Variants in MAN1A2 observed in about 807,000 individuals in gnomAD.
The protein encoded by MAN1A2 is mannosyl-oligosaccharide 1,2-alpha-mannosidase IB.
MAN1A2 carries 26 observed loss-of-function variants against 75.7 expected under a neutral mutation model. The ratio of observed to expected loss-of-function variants is 0.34; its 90% CI spans 0.25 to 0.48. MAN1A2 has a LOEUF of 0.48. Ranked by LOEUF, MAN1A2 falls within the 20% of genes least tolerant of loss-of-function variation. The pLI is 0.99. For synonymous variants in MAN1A2, 247 were observed against 264.6 expected, an observed-to-expected ratio of 0.93 and a Z score of 0.65; for missense variants, 562 against 775.5, an observed-to-expected ratio of 0.72 and a Z score of 3.27.
intron 5 of MAN1A2, among the ~76,000 whole-genome samples, chr1:117,438,231 T>A (rs996198933): frequency 1.3e-5 from 2 of 152,236 alleles, no homozygotes; most frequent in African/African-American, 4.8e-5. Context: ...TGTTTGTGTT[T>A]GTGTCTTAGT....
intron 1 of MAN1A2, among the ~76,000 whole-genome samples, chr1:117,377,944 C>CA (rs1209769425): frequency 6.6e-6 from 1 of 151,530 alleles, no homozygotes; most frequent in Non-Finnish European, 1.5e-5. Flanking sequence ...ACTAAAAATA[C>CA]AAAAAAAATT....
intron 9 of MAN1A2, among the ~76,000 whole-genome samples, chr1:117,496,396 G>A (rs1175887135): frequency 6.6e-6 from 1 of 151,932 alleles, no homozygotes; most frequent in Admixed American, 6.6e-5. Flanking sequence ...TGAGAAAAAT[G>A]TATGTTCCAG....
At chr1:117,516,429 C>G (rs1462012382) in intron 12 of MAN1A2, among the ~76,000 whole-genome samples, 2 of 152,082 alleles carry the variant, frequency 1.3e-5, no homozygotes, top group African/African-American at 4.8e-5. Flanking sequence ...GCTGGACCAT[C>G]TAATGTTCTT....
chr1:117,373,484 GTTT>G (rs34482916), intron 1 of MAN1A2, among the ~76,000 whole-genome samples: 1 of 113,360 alleles, frequency 8.8e-6, no homozygotes. Context: ...TGCTGCATTT[GTTT>G]TTTTTTTTTT....
intron 7 of MAN1A2, among the ~76,000 whole-genome samples, chr1:117,464,986 T>C (rs1649938186): frequency 6.6e-6 from 1 of 151,978 alleles, no homozygotes. Flanking sequence ...AAAAGAGCAA[T>C]TGAAAATTCC....
intron 6 of MAN1A2, among the ~76,000 whole-genome samples, chr1:117,458,626 C>G (rs1242502036): frequency 1.3e-5 from 2 of 149,812 alleles, no homozygotes; most frequent in South Asian, 2.1e-4. Context: ...TGGGTTTAAG[C>G]GATTCTCCTG....
intron 3 of MAN1A2, among the ~76,000 whole-genome samples, chr1:117,406,832 G>A (rs573412312): frequency 7.9e-5 from 12 of 152,104 alleles, no homozygotes; most frequent in Non-Finnish European, 1.3e-4. Context: ...CTCCCTTCAA[G>A]TAACTATTTT....
At chr1:117,506,916 T>A (rs1651392631) in intron 12 of MAN1A2, among the ~76,000 whole-genome samples, 1 of 151,508 alleles carries the variant, frequency 6.6e-6, no homozygotes, top group African/African-American at 2.4e-5. Context: ...AGAGATAATA[T>A]TAAAGTTTCC....
chr1:117,377,067 T>C (rs1233329588), intron 1 of MAN1A2, among the ~76,000 whole-genome samples: 1 of 152,184 alleles, frequency 6.6e-6, no homozygotes, highest in Non-Finnish European at 1.5e-5. Flanking sequence ...TATTTAGCCA[T>C]ATATACATGA....
At chr1:117,490,171 C>T (rs61805824) in intron 8 of MAN1A2, among the ~76,000 whole-genome samples, 18,227 of 151,920 alleles carry the variant, frequency 0.12, 1,150 homozygotes, top group Non-Finnish European at 0.14. Context: ...TGCTTTACTG[C>T]ACTTCACAGA....
At chr1:117,463,002 G>A (rs1230957878) in intron 7 of MAN1A2, among the ~76,000 whole-genome samples, 2 of 151,862 alleles carry the variant, frequency 1.3e-5, no homozygotes, top group African/African-American at 4.8e-5. Context: ...TCCTTTCTGT[G>A]TATGAAGTAC....
intron 12 of MAN1A2, among the ~76,000 whole-genome samples, chr1:117,504,191 G>A (rs1056817055): frequency 6.6e-6 from 1 of 151,328 alleles, no homozygotes; most frequent in Non-Finnish European, 1.5e-5. Context: ...ATAAAGTGAC[G>A]GGAACTTTAG....
intron 1 of MAN1A2, among the ~76,000 whole-genome samples, chr1:117,380,808 T>G (rs1653310484): frequency 6.6e-6 from 1 of 152,182 alleles, no homozygotes; most frequent in Non-Finnish European, 1.5e-5. Context: ...TGTTCCAGGT[T>G]TGTTATTCTT....
chr1:117,524,603 A>C lies in MAN1A2; in HGVS notation c.*1646A>C, dbSNP rs1258747715. 6.6e-6 allele frequency: 1 copy of C among 151,752 alleles called. No individual in the cohort carries two copies. The highest frequency in any genetic ancestry group is 2.4e-5 in the African/African-American group (1 of 41,398). The allele number at this position is 151,752 out of a possible 1,614,324, so 9.4% of individuals were successfully genotyped here. A position where few individuals can be genotyped will look rare whatever the true frequency, so the allele number is the denominator to read the frequency against. The stretch of plus-strand genomic sequence containing the variant: ...TAGGTTTTAAGTTGGGGAAAGACTT[A>C]ATTAACTAATATAGTATTTTCTAAG... On this transcript the variant is annotated 3_prime_UTR_variant, in exon 13 of 13. Coordinates refer to ENST00000356554, the MANE Select transcript of MAN1A2 (RefSeq NM_006699.5).
chr1:117,466,182 C>T (rs1649973474), intron 7 of MAN1A2, 152 bp from the exon 8 acceptor site: 1 of 514,274 alleles, frequency 1.9e-6, no homozygotes, highest in South Asian at 3.4e-5. Context: ...AAATAGAAGG[C>T]TTCCCTGACT....
chr1:117,481,760 G>A (rs763502747), intron 8 of MAN1A2, among the ~76,000 whole-genome samples: 1 of 151,944 alleles, frequency 6.6e-6, no homozygotes, highest in Non-Finnish European at 1.5e-5. Context: ...GAGCATGCAA[G>A]GCTTCTTGAG....
At chr1:117,373,558 G>C (rs1342218268) in intron 1 of MAN1A2, among the ~76,000 whole-genome samples, 4 of 145,840 alleles carry the variant, frequency 2.7e-5, no homozygotes, top group African/African-American at 1.0e-4. Flanking sequence ...GTTCACTATA[G>C]TCTCAAACTC....
intron 5 of MAN1A2, among the ~76,000 whole-genome samples, chr1:117,426,926 G>C (rs1570733804): frequency 1.3e-5 from 2 of 152,170 alleles, no homozygotes; most frequent in Middle Eastern, 6.8e-3. Context: ...TATTGCAAGA[G>C]CCCCCTGCCC....
At chr1:117,396,034 C>T (rs1653895260) in intron 1 of MAN1A2, among the ~76,000 whole-genome samples, 1 of 152,202 alleles carries the variant, frequency 6.6e-6, no homozygotes, top group Non-Finnish European at 1.5e-5. Context: ...TGCATGATTG[C>T]CAACCTGGTA....
Sources: allele counts gnomAD v4.1 joint callset (sites outside exome capture counted in the v4.1 genomes callset), GRCh38; gene constraint gnomAD v4.1.1; transcripts MANE v1.5; gene names NCBI Gene and HGNC (gene_info 2026-07-23, HGNC 2026-07-21).